CENPP: variants seen among roughly 807,000 people sequenced by gnomAD.
CENPP encodes the protein centromere protein P.
CENPP carries 24 observed loss-of-function variants against 35.6 expected under a neutral mutation model. The ratio of observed to expected loss-of-function variants is 0.67; its 90% CI spans 0.49 to 0.95. The LOEUF (loss-of-function observed/expected upper bound fraction) is 0.95, where lower values mean the gene tolerates loss of function less well. Ranked by LOEUF, CENPP falls within the 40% of genes least tolerant of loss-of-function variation. The probability of loss-of-function intolerance (pLI) is 0.00; values close to 1 mark genes in which losing one functional copy is unlikely to be tolerated. For missense variants in CENPP, 332 were observed against 345.3 expected (o/e 0.96, Z 0.31); for synonymous variants, 120 against 125.5 (o/e 0.96, Z 0.29).
At chr9:92,471,789 C>T (rs1033434046) in intron 5 of CENPP, among the ~76,000 whole-genome samples, 8 of 151,798 alleles carry the variant, frequency 5.3e-5, no homozygotes, top group Non-Finnish European at 7.4e-5. Context: ...GCCTTAGCCT[C>T]CCGAGTAGCT....
chr9:92,609,566 C>T (rs1457247514), intron 5 of CENPP, among the ~76,000 whole-genome samples: 1 of 152,196 alleles, frequency 6.6e-6, no homozygotes, highest in East Asian at 1.9e-4. Context: ...TTAAGCAGCA[C>T]CCCCAGGCTT....
intron 4 of CENPP, among the ~76,000 whole-genome samples, chr9:92,349,677 C>T (rs940695888): frequency 1.3e-5 from 2 of 152,160 alleles, no homozygotes; most frequent in Admixed American, 6.5e-5. Flanking sequence ...GCTGGGATTA[C>T]AGGCGTGAGC....
intron 5 of CENPP, among the ~76,000 whole-genome samples, chr9:92,603,523 CATG>C (rs1046193791): frequency 6.6e-6 from 1 of 152,146 alleles, no homozygotes; most frequent in Admixed American, 6.5e-5. Context: ...GTCCAACAGA[CATG>C]TCTCTGCTAC....
intron 5 of CENPP, among the ~76,000 whole-genome samples, chr9:92,603,310 G>A (rs1850978786): frequency 6.6e-6 from 1 of 152,232 alleles, no homozygotes; most frequent in African/African-American, 2.4e-5. Context: ...AATGTGTGAA[G>A]AACCTAGACC....
rs1386852009 is a variant in CENPP at position 92,517,824 on chromosome 9, A to G, written c.565-93490A>G. 5 of 1,614,164 alleles carry G rather than the reference A, an allele frequency of 3.1e-6. No homozygotes were observed. In the Middle Eastern group the frequency reaches 4.9e-4, roughly 160 times the overall value. On this transcript the variant is annotated intron_variant, in intron 5 of 7. Transcript: ENST00000375587. Reference sequence around the variant, plus strand: ...GGTAGTGCAGGGCTCAGGCGACCACACAGCTTTGTTGTACATGGTTATGCC... The same window carrying G: ...GGTAGTGCAGGGCTCAGGCGACCACGCAGCTTTGTTGTACATGGTTATGCC...
chr9:92,386,227 C>T (rs1213054483), intron 5 of CENPP: 3 of 1,612,190 alleles, frequency 1.9e-6, no homozygotes, highest in Non-Finnish European at 2.5e-6. Flanking sequence ...CGTAGACTTT[C>T]TGGTAAATTA....
chr9:92,540,697 G>C (rs1178401757), intron 5 of CENPP, among the ~76,000 whole-genome samples: 2 of 151,116 alleles, frequency 1.3e-5, no homozygotes, highest in Non-Finnish European at 3.0e-5. Flanking sequence ...CTTGAACCTG[G>C]GAGGCAGAGG....
At chr9:92,533,328 A>AAAAAAAAAAAAAAAATATATATATATAT in intron 5 of CENPP, among the ~76,000 whole-genome samples, 1 of 38,332 alleles carries the variant, frequency 2.6e-5, no homozygotes, top group Non-Finnish European at 4.3e-5. Flanking sequence ...AAAAAAAAAA[A>AAAAAAAAAAAAAAAATATATATATATAT]ATATATATAT....
chr9:92,365,680 G>A (rs1315369689), intron 4 of CENPP, among the ~76,000 whole-genome samples: 1 of 151,282 alleles, frequency 6.6e-6, no homozygotes, highest in African/African-American at 2.4e-5. Context: ...CAAAGTGCTG[G>A]GATTATAGGC....
chr9:92,497,333 G>A (rs936759460), intron 5 of CENPP, among the ~76,000 whole-genome samples: 1 of 150,600 alleles, frequency 6.6e-6, no homozygotes, highest in African/African-American at 2.4e-5. Context: ...CTTTTAAAAA[G>A]TAAAGGGTAG....
At chr9:92,455,922 T>A (rs1254083767) in intron 5 of CENPP, among the ~76,000 whole-genome samples, 1 of 152,034 alleles carries the variant, frequency 6.6e-6, no homozygotes, top group Admixed American at 6.6e-5. Flanking sequence ...ATACAAAAAA[T>A]TAGCTGGGCA....
chr9:92,411,800 G>C (rs970933586), intron 5 of CENPP, among the ~76,000 whole-genome samples: 4 of 152,166 alleles, frequency 2.6e-5, no homozygotes, highest in Non-Finnish European at 4.4e-5. Flanking sequence ...TCAGGAGCTT[G>C]TTCTCTCTAC....
intron 5 of CENPP, among the ~76,000 whole-genome samples, chr9:92,598,541 G>A (rs1850833952): frequency 6.6e-6 from 1 of 152,124 alleles, no homozygotes; most frequent in African/African-American, 2.4e-5. Flanking sequence ...AGGCAGCACT[G>A]GGTCTCACCC....
At chr9:92,533,328 A>AATATATATATACAT (rs1848964523) in intron 5 of CENPP, among the ~76,000 whole-genome samples, 1 of 38,338 alleles carries the variant, frequency 2.6e-5, no homozygotes, top group South Asian at 1.3e-3. Context: ...AAAAAAAAAA[A>AATATATATATACAT]ATATATATAT....
At chr9:92,376,611 C>G (rs567907670) in intron 4 of CENPP, among the ~76,000 whole-genome samples, 12 of 152,302 alleles carry the variant, frequency 7.9e-5, no homozygotes, top group African/African-American at 2.9e-4. Context: ...AAAAATTGGT[C>G]AGACCAGGTG....
intron 5 of CENPP, among the ~76,000 whole-genome samples, chr9:92,415,678 A>G (rs1230369709): frequency 6.7e-6 from 1 of 150,292 alleles, no homozygotes; most frequent in East Asian, 1.9e-4. Context: ...CAAAATATAT[A>G]TGGCTTCATT....
intron 5 of CENPP, among the ~76,000 whole-genome samples, chr9:92,522,104 C>A (rs993818610): frequency 1.3e-5 from 2 of 151,632 alleles, no homozygotes; most frequent in African/African-American, 2.4e-5. Flanking sequence ...TTTTTAATCT[C>A]GAGACGGAGT....
At chr9:92,496,440 C>G in intron 5 of CENPP, 1 of 1,608,282 alleles carries the variant, frequency 6.2e-7, no homozygotes, top group East Asian at 2.2e-5. Flanking sequence ...AGATTTGAGT[C>G]ATCATCCTCT....
intron 5 of CENPP, among the ~76,000 whole-genome samples, chr9:92,394,110 G>T (rs969034302): frequency 6.6e-6 from 1 of 152,062 alleles, no homozygotes; most frequent in African/African-American, 2.4e-5. Flanking sequence ...ATTCTTACCC[G>T]AATCATTTGT....
Sources: allele counts gnomAD v4.1 joint callset (sites outside exome capture counted in the v4.1 genomes callset), GRCh38; gene constraint gnomAD v4.1.1; transcripts MANE v1.5; gene names NCBI Gene and HGNC (gene_info 2026-07-23, HGNC 2026-07-21).